The following GRM7 variants were observed in gnomAD, a reference collection of about 807,000 sequenced individuals.
GRM7 encodes metabotropic glutamate receptor 7.
In GRM7, 35 loss-of-function variants were observed where a neutral mutation model predicts 84.5. The ratio of observed to expected loss-of-function variants is 0.41; its 90% confidence interval spans 0.32 to 0.55. GRM7 has a LOEUF of 0.55. Among genes scored for constraint, GRM7 ranks in the 20% least tolerant of loss-of-function variants. The probability of loss-of-function intolerance (pLI) is 0.19; values close to 1 mark genes in which losing one functional copy is unlikely to be tolerated. For synonymous variants in GRM7, 487 were observed against 455.1 expected, an observed-to-expected ratio of 1.07 and a Z score of -0.89; for missense variants, 1,003 against 1,194.6, an observed-to-expected ratio of 0.84 and a Z score of 2.36.
intron 7 of GRM7, among the ~76,000 whole-genome samples, chr3:7,574,510 A>G (rs1461663481): frequency 3.3e-5 from 5 of 152,180 alleles, no homozygotes; most frequent in Admixed American, 6.5e-5. Context: ...ACCATCATGT[A>G]TGCACAAATC....
At chr3:7,516,830 A>T (rs1700410251) in intron 7 of GRM7, among the ~76,000 whole-genome samples, 1 of 152,126 alleles carries the variant, frequency 6.6e-6, no homozygotes, top group South Asian at 2.1e-4. Flanking sequence ...TTTTTCATTT[A>T]AGTTTAATCA....
intron 9 of GRM7, among the ~76,000 whole-genome samples, chr3:7,717,985 A>G (rs1193064371): frequency 6.6e-6 from 1 of 152,182 alleles, no homozygotes; most frequent in Non-Finnish European, 1.5e-5. Flanking sequence ...ATTTTCCAAG[A>G]TGATGCGGAC....
At chr3:7,056,973 A>C (rs150162695) in intron 1 of GRM7, among the ~76,000 whole-genome samples, 161 of 152,106 alleles carry the variant, frequency 1.1e-3, no homozygotes, top group African/African-American at 3.6e-3. Context: ...TTAATTTTCT[A>C]AATCATTCTG....
intron 4 of GRM7, among the ~76,000 whole-genome samples, chr3:7,394,423 G>C (rs937515889): frequency 2.0e-5 from 3 of 152,110 alleles, no homozygotes; most frequent in Admixed American, 2.0e-4. Flanking sequence ...AGAGAAACTT[G>C]ATGTCACCTT....
intron 4 of GRM7, among the ~76,000 whole-genome samples, chr3:7,334,443 A>G (rs1483658541): frequency 6.6e-6 from 1 of 151,510 alleles, no homozygotes; most frequent in Non-Finnish European, 1.5e-5. Context: ...ATACCAAAAT[A>G]GAATCCGCCC....
At chr3:6,964,142 T>C (rs1004269558) in intron 1 of GRM7, among the ~76,000 whole-genome samples, 1 of 152,188 alleles carries the variant, frequency 6.6e-6, no homozygotes, top group Non-Finnish European at 1.5e-5. Context: ...TTGATAGCTT[T>C]TGACGCTGTT....
chr3:7,650,516 GTTGTTT>G (rs1386336752), intron 8 of GRM7, among the ~76,000 whole-genome samples: 1 of 152,158 alleles, frequency 6.6e-6, no homozygotes, highest in Non-Finnish European at 1.5e-5. Context: ...TAAAAAAAGT[GTTGTTT>G]TTGTTTTTTA....
intron 9 of GRM7, among the ~76,000 whole-genome samples, chr3:7,702,354 C>T (rs1468147038): frequency 6.6e-6 from 1 of 152,180 alleles, no homozygotes; most frequent in Non-Finnish European, 1.5e-5. Flanking sequence ...GTCTTTGGAG[C>T]ACAGTCTGGA....
intron 1 of GRM7, among the ~76,000 whole-genome samples, chr3:6,904,224 T>A (rs951035872): frequency 6.6e-6 from 1 of 152,152 alleles, no homozygotes; most frequent in African/African-American, 2.4e-5. Flanking sequence ...TTGTTTGTAG[T>A]TTTTTATTCT....
At chr3:7,565,481 G>A (rs1694217253) in intron 7 of GRM7, among the ~76,000 whole-genome samples, 1 of 152,180 alleles carries the variant, frequency 6.6e-6, no homozygotes, top group Non-Finnish European at 1.5e-5. Flanking sequence ...AGTGGGTATA[G>A]GGACTTCCTG....
At chr3:7,660,023 A>T (rs1441839726) in intron 8 of GRM7, among the ~76,000 whole-genome samples, 1 of 152,262 alleles carries the variant, frequency 6.6e-6, no homozygotes. Context: ...GTTTACCAAG[A>T]CAGAATAGAT....
chr3:7,676,225 G>A lies in GRM7; in HGVS notation c.2452-3824G>A, dbSNP rs541836693. On this transcript the variant is annotated intron_variant, in intron 8 of 9. Transcript: ENST00000357716. ...AATGTACTAAAGAAGATGGTGGGGT[G>A]AAAACTCATAACTTCAGTGTGAGCC... Among the ~76,000 whole-genome samples the A allele has an allele frequency of 1.8e-4, 27 of 152,202 alleles. No individual in the cohort carries two copies. In the East Asian group the frequency reaches 3.5e-3, roughly 20 times the overall value.
chr3:7,407,532 T>C (rs1165658270), intron 4 of GRM7, among the ~76,000 whole-genome samples: 1 of 152,204 alleles, frequency 6.6e-6, no homozygotes, highest in East Asian at 1.9e-4. Flanking sequence ...CTGAACCATT[T>C]TAAAATGTTG....
chr3:7,604,956 A>T (rs1019251908), intron 8 of GRM7, among the ~76,000 whole-genome samples: 1 of 152,228 alleles, frequency 6.6e-6, no homozygotes, highest in African/African-American at 2.4e-5. Flanking sequence ...AAAACATAGG[A>T]TATTAGGCTA....
At chr3:7,401,841 G>A (rs995527680) in intron 4 of GRM7, among the ~76,000 whole-genome samples, 4 of 151,982 alleles carry the variant, frequency 2.6e-5, no homozygotes, top group African/African-American at 7.3e-5. Context: ...TTATCCCCAC[G>A]TCAATATTAG....
chr3:7,636,143 T>A (rs1698082782), intron 8 of GRM7: 1 of 443,082 alleles, frequency 2.3e-6, no homozygotes, highest in Admixed American at 2.4e-5. Context: ...TTTTGATGCA[T>A]GTTTATCTTT....
intron 2 of GRM7, among the ~76,000 whole-genome samples, chr3:7,175,499 A>AATGATGAGTAAC (rs1403267708): frequency 6.6e-6 from 1 of 152,216 alleles, no homozygotes; most frequent in Non-Finnish European, 1.5e-5. Flanking sequence ...AAAACTATTT[A>AATGATGAGTAAC]ATGATGAGTA....
intron 1 of GRM7, among the ~76,000 whole-genome samples, chr3:7,015,098 C>A (rs374291958): frequency 6.6e-6 from 1 of 152,038 alleles, no homozygotes; most frequent in Non-Finnish European, 1.5e-5. Flanking sequence ...AGGGTGTGGG[C>A]GGGGACAAAT....
intron 4 of GRM7, among the ~76,000 whole-genome samples, chr3:7,404,233 T>C (rs1209684663): frequency 6.6e-6 from 1 of 152,188 alleles, no homozygotes. Flanking sequence ...TGTGGATTGT[T>C]ACAGCACTCT....
Sources: gnomAD v4.1 joint callset for allele counts (sites outside exome capture counted in the v4.1 genomes callset) on GRCh38, gnomAD v4.1.1 for gene constraint, MANE v1.5 for transcripts, NCBI Gene and HGNC (gene_info 2026-07-23, HGNC 2026-07-21) for gene names.